The following SENP1 variants were observed in gnomAD, a reference collection of about 807,000 sequenced individuals.
The protein encoded by SENP1 is SUMO specific peptidase 1, also known as sentrin-specific protease 1.
In SENP1, 21 loss-of-function variants were observed where a neutral mutation model predicts 93.0. The ratio of observed to expected loss-of-function variants is 0.23; its 90% CI spans 0.16 to 0.33. The LOEUF is 0.33. SENP1 is among the 10% of genes least tolerant of loss of function. SENP1 has a pLI of 1.00. For synonymous variants in SENP1, 256 were observed against 259.6 expected, an observed-to-expected ratio of 0.99 and a Z score of 0.13; for missense variants, 591 against 758.7, an observed-to-expected ratio of 0.78 and a Z score of 2.60.
Position 48,044,160 on chromosome 12 carries a change from C to T in SENP1, c.*1162G>A, listed in dbSNP as rs1291365774. 6.6e-6 allele frequency: 1 copy of T among 151,836 alleles called. No individual in the cohort carries two copies. The highest frequency in any genetic ancestry group is 1.5e-5 in the Non-Finnish European group (1 of 67,856). 9.4% of individuals were successfully genotyped at this position (151,836 alleles called of 1,614,324 possible). On this transcript the variant is annotated 3_prime_UTR_variant, in exon 18 of 18. Coordinates refer to ENST00000549518, the MANE Select transcript of SENP1 (RefSeq NM_001267594.2). ...TTTTAGCTGAAAATATCACCTCCCT[C>T]TGTAACCTCTACCCATATGGCAAAG...
chr12:48,084,106 T>C (rs983749934), intron 5 of SENP1, among the ~76,000 whole-genome samples: 2 of 152,256 alleles, frequency 1.3e-5, no homozygotes, highest in African/African-American at 2.4e-5. Flanking sequence ...GTTCCAGGTA[T>C]GCTAACAACA....
chr12:48,091,408 C>T (rs553128881), intron 4 of SENP1, among the ~76,000 whole-genome samples: 83 of 151,892 alleles, frequency 5.5e-4, no homozygotes, highest in African/African-American at 2.0e-3. Context: ...CAAGATCGTG[C>T]CACTGCACTC....
At chr12:48,094,868 C>T (rs1023187535) in intron 4 of SENP1, among the ~76,000 whole-genome samples, 6 of 152,076 alleles carry the variant, frequency 3.9e-5, no homozygotes, top group African/African-American at 1.4e-4. Flanking sequence ...AGCCTGAGTT[C>T]AAATGGAAAT....
chr12:48,055,403 G>C (rs756078250), intron 13 of SENP1: 1 of 152,470 alleles, frequency 6.6e-6, no homozygotes, highest in Non-Finnish European at 1.5e-5. Context: ...ACTGAAGCAA[G>C]GGACACAGTG....
chr12:48,063,681 T>C, intron 13 of SENP1, 29 bp downstream of exon 13: 1 of 1,596,920 alleles, frequency 6.3e-7, no homozygotes, highest in Non-Finnish European at 8.6e-7. Context: ...ATGTTTACTA[T>C]TTGTATGTAA....
At chr12:48,089,003 G>A (rs1945063735) in intron 4 of SENP1, 43 bp from the exon 5 acceptor site, 6 of 1,575,152 alleles carry the variant, frequency 3.8e-6, no homozygotes, top group Non-Finnish European at 5.2e-6. Context: ...AATTCTACAG[G>A]TGGTTCTCCT....
Position 48,043,197 on chromosome 12 carries a change from C to A in SENP1, c.*2125G>T, listed in dbSNP as rs1415088581. On this transcript the variant is annotated 3_prime_UTR_variant, in exon 18 of 18. Coordinates refer to ENST00000549518, the MANE Select transcript of SENP1 (RefSeq NM_001267594.2). ...GTCAGAAAGGGGGCCCAAATTCAGACAGGCTCAACAATTCCTTATATATTT... is the reference window on the plus strand; with the variant it reads ...GTCAGAAAGGGGGCCCAAATTCAGAAAGGCTCAACAATTCCTTATATATTT... The A allele has an allele frequency of 6.6e-6, 1 of 152,648 alleles. No homozygotes were observed. Among genetic ancestry groups the A allele is most frequent in the Admixed American group, 6.5e-5 (1 of 15,284 alleles). The allele number at this position is 152,648 out of a possible 1,614,324, so 9.5% of individuals were successfully genotyped here. A position where few individuals can be genotyped will look rare whatever the true frequency, so the allele number is the denominator to read the frequency against.
chr12:48,102,568 C>A (rs1946023325), intron 1 of SENP1, among the ~76,000 whole-genome samples: 1 of 151,184 alleles, frequency 6.6e-6, no homozygotes, highest in Non-Finnish European at 1.5e-5. Flanking sequence ...TGGTAATAGT[C>A]ACACCTATAT....
In SENP1 at chr12:48,054,306, A is replaced by C. The variant is rs1196480611; in HGVS notation, c.1408-5174T>G. The stretch of plus-strand genomic sequence containing the variant: ...TTCGAAGTTCTGTTATTAGGTGTGT[A>C]CATATTTAGGTTGCTAAGCCTTCTT... On this transcript the variant is annotated intron_variant, in intron 13 of 17. Coordinates refer to ENST00000549518, the MANE Select transcript of SENP1 (RefSeq NM_001267594.2). Among the ~76,000 whole-genome samples the C allele has an allele frequency of 7.9e-5, 12 of 152,210 alleles. 1 individual carries two copies. The highest frequency in any genetic ancestry group is 7.9e-4 in the Admixed American group (12 of 15,272).
chr12:48,064,356 G>A lies in SENP1; in HGVS notation c.1276-515C>T, dbSNP rs569496053. On this transcript the variant is annotated intron_variant, in intron 12 of 17. Transcript: ENST00000549518. ...TGGTAGTGTTTCAAAGAGAAGTATGGATAAAGAAACGGATTATCTAAAAAT... is the reference window on the plus strand; with the variant it reads ...TGGTAGTGTTTCAAAGAGAAGTATGAATAAAGAAACGGATTATCTAAAAAT... 2.6e-5 allele frequency among the ~76,000 whole-genome samples: 4 copies of A among 152,178 alleles called. No individual in the cohort carries two copies. In the South Asian group the frequency reaches 8.3e-4, roughly 32 times the overall value.
At chr12:48,083,786 G>C (rs1367386100) in intron 5 of SENP1, 24 bp from the exon 6 acceptor site, 1 of 1,506,368 alleles carries the variant, frequency 6.6e-7, no homozygotes. Context: ...TTGTAAGAAA[G>C]ATAAGAACAG....
chr12:48,093,930 C>A (rs1945386616), intron 4 of SENP1, among the ~76,000 whole-genome samples: 1 of 151,918 alleles, frequency 6.6e-6, no homozygotes, highest in Non-Finnish European at 1.5e-5. Context: ...CCACTGCACT[C>A]CAGCCTGGGC....
chr12:48,072,322 T>C (rs1592372917), intron 8 of SENP1, among the ~76,000 whole-genome samples: 1 of 152,204 alleles, frequency 6.6e-6, no homozygotes, highest in African/African-American at 2.4e-5. Context: ...TAGCAGTGCT[T>C]GTGTTCAGTA....
intron 9 of SENP1, among the ~76,000 whole-genome samples, chr12:48,067,249 A>C (rs1163161355): frequency 6.6e-6 from 1 of 152,258 alleles, no homozygotes; most frequent in African/African-American, 2.4e-5. Context: ...CCCTACTTGC[A>C]TGAGACCAAC....
chr12:48,045,400 G>C lies in SENP1; in HGVS notation c.1873-16C>G. On this transcript the variant is annotated splice_polypyrimidine_tract_variant and intron_variant, in intron 17 of 17. Transcript: ENST00000549518. Reference sequence around the variant, plus strand: ...GCATGTGTTGCTGTAGGGACACAGAGACACCCTTAATTTTCAATGCTTTTG... The same window carrying C: ...GCATGTGTTGCTGTAGGGACACAGACACACCCTTAATTTTCAATGCTTTTG... The C allele has an allele frequency of 1.9e-6, 3 of 1,611,132 alleles. No individual in the cohort carries two copies. The highest frequency in any genetic ancestry group is 2.5e-6 in the Non-Finnish European group (3 of 1,177,416).
intron 6 of SENP1, among the ~76,000 whole-genome samples, chr12:48,082,914 A>AT (rs966211167): frequency 4.9e-4 from 75 of 151,566 alleles, no homozygotes; most frequent in Middle Eastern, 3.4e-3. Context: ...TAAAAAAACA[A>AT]TTTTTTTTTG....
chr12:48,065,847 A>G (rs1456119066), intron 10 of SENP1, among the ~76,000 whole-genome samples, 167 bp from the exon 11 acceptor site: 2 of 152,186 alleles, frequency 1.3e-5, no homozygotes, highest in Non-Finnish European at 2.9e-5. Flanking sequence ...ACATAATGTT[A>G]CTGAAATTAC....
chr12:48,058,955 T>C (rs892527357), intron 13 of SENP1, among the ~76,000 whole-genome samples: 2 of 152,200 alleles, frequency 1.3e-5, no homozygotes, highest in Non-Finnish European at 2.9e-5. Context: ...GTAGCTACAT[T>C]GTCTTCTGGC....
At chr12:48,097,407 T>C (rs1945639526) in intron 3 of SENP1, among the ~76,000 whole-genome samples, 2 of 152,216 alleles carry the variant, frequency 1.3e-5, no homozygotes, top group Non-Finnish European at 2.9e-5. Flanking sequence ...GATTCACACA[T>C]CAAAGAATGA....
Sources: allele counts gnomAD v4.1 joint callset (sites outside exome capture counted in the v4.1 genomes callset), GRCh38; gene constraint gnomAD v4.1.1; transcripts MANE v1.5; gene names NCBI Gene and HGNC (gene_info 2026-07-23, HGNC 2026-07-21).